Variants in CEMIP2 observed in about 807,000 individuals in gnomAD.
CEMIP2 encodes the protein cell surface hyaluronidase CEMIP2.
Under a neutral mutation model 146.9 loss-of-function variants are expected in CEMIP2, and 79 were observed. That is an observed-to-expected ratio of 0.54 (90% confidence interval 0.45 to 0.65). The LOEUF (loss-of-function observed/expected upper bound fraction) is 0.65, where lower values mean the gene tolerates loss of function less well. Among genes scored for constraint, CEMIP2 ranks in the 30% least tolerant of loss-of-function variants. The pLI is 0.00. For missense variants in CEMIP2, 1,596 were observed against 1,696.2 expected, an observed-to-expected ratio of 0.94 and a Z score of 1.04; for synonymous variants, 601 against 606.3, an observed-to-expected ratio of 0.99 and a Z score of 0.13.
At chr9:71,752,488 G>GT (rs1483153171) in intron 1 of CEMIP2, among the ~76,000 whole-genome samples, 4 of 149,594 alleles carry the variant, frequency 2.7e-5, no homozygotes, top group South Asian at 2.1e-4. Flanking sequence ...AAGGGGGAGG[G>GT]AAGGAGGGAG....
At chr9:71,741,277 A>G (rs1352523470) in intron 4 of CEMIP2, among the ~76,000 whole-genome samples, 1 of 135,206 alleles carries the variant, frequency 7.4e-6, no homozygotes, top group African/African-American at 2.8e-5. Flanking sequence ...GCTCACCGCA[A>G]CCTCCTGCCT....
chr9:71,744,247 T>G (rs1362316731), intron 4 of CEMIP2, among the ~76,000 whole-genome samples: 3 of 152,080 alleles, frequency 2.0e-5, no homozygotes, highest in African/African-American at 7.2e-5. Flanking sequence ...TGGTAGCAAC[T>G]GTTTGTAGTC....
In CEMIP2 at chr9:71,685,288, G is replaced by A; in HGVS notation, c.4061C>T (p.Pro1354Leu). Residue 1354 changes from proline to leucine, a missense_variant, in exon 24 of 24, where the codon CCT becomes CTT. Pro to Leu is a moderately conservative substitution (Grantham distance 98). Transcript: ENST00000377044. ...QGLGVLEQFI[P>L]LQLDEYGCPR... Reference sequence around the variant, plus strand: ...ACAACCATATTCGTCCAGCTGCAAAGGTATGAATTGTTCAAGCACCCCAAG... The same window carrying A: ...ACAACCATATTCGTCCAGCTGCAAAAGTATGAATTGTTCAAGCACCCCAAG... 6.2e-7 allele frequency: 1 copy of A among 1,612,536 alleles called. No homozygotes were observed. The highest frequency in any genetic ancestry group is 8.5e-7 in the Non-Finnish European group (1 of 1,179,854).
At position 71,704,591 on chromosome 9, in the gene CEMIP2, A is replaced by G; in HGVS notation, c.3194+4T>C. On this transcript the variant is annotated splice_donor_region_variant and intron_variant, in intron 18 of 23. Coordinates refer to ENST00000377044, the MANE Select transcript of CEMIP2 (RefSeq NM_013390.3). ...TATTTGAAATAACAGTAACAGAAAC[A>G]TACTTGTTGAAGTTGACGAGGTATA... The G allele has an allele frequency of 3.1e-6, 5 of 1,614,008 alleles. No homozygotes were observed. Among genetic ancestry groups the G allele is most frequent in the Non-Finnish European group, 4.2e-6 (5 of 1,179,828 alleles).
In CEMIP2 at chr9:71,712,088, G is replaced by T. The variant is rs761740920; in HGVS notation, c.2764C>A (p.Pro922Thr). 1 of 1,613,792 alleles carries T rather than the reference G, an allele frequency of 6.2e-7. No individual in the cohort carries two copies. Among genetic ancestry groups the T allele is most frequent in the African/African-American group, 1.3e-5 (1 of 74,902 alleles). The change falls in exon 16 of 24, where the codon CCA (proline) becomes ACA (threonine). Residue 922 changes from proline to threonine, a missense_variant. Coordinates refer to ENST00000377044, the MANE Select transcript of CEMIP2 (RefSeq NM_013390.3). ...GAACTACAGAACATACTTACATGTG[G>T]ACCAAACTTCACGAGGGAGATATTA... ...RNNISLVKFG[P>T]HVSLNVFFGK...
At chr9:71,708,170 A>C (rs1439446520) in intron 17 of CEMIP2, among the ~76,000 whole-genome samples, 1 of 152,208 alleles carries the variant, frequency 6.6e-6, no homozygotes, top group Non-Finnish European at 1.5e-5. Context: ...TGGGCGACAG[A>C]GCAAGACTCC....
chr9:71,694,532 G>C lies in CEMIP2; in HGVS notation c.3673C>G (p.Arg1225Gly), dbSNP rs546836383. The C allele has an allele frequency of 1.9e-6, 3 of 1,613,644 alleles. No individual in the cohort carries two copies. Among genetic ancestry groups the C allele is most frequent in the Non-Finnish European group, 8.5e-7 (1 of 1,179,736 alleles). Reference sequence around the variant, plus strand: ...ACAGAAATAACAGACGGGTCTCCACGCTGGGTTTCTGCTTTATCAGGTGAC... The same window carrying C: ...ACAGAAATAACAGACGGGTCTCCACCCTGGGTTTCTGCTTTATCAGGTGAC... Reference protein sequence around the residue: ...FQSPDKAETQRGDPSVISVNG... With the variant: ...FQSPDKAETQGGDPSVISVNG... Residue 1225 changes from arginine (R) to glycine (G), a missense_variant, in exon 21 of 24, where the codon CGT becomes GGT. By Grantham distance (125) the Arg-to-Gly change is moderately radical (BLOSUM62 -2). Coordinates refer to ENST00000377044, the MANE Select transcript of CEMIP2 (RefSeq NM_013390.3).
In CEMIP2 at chr9:71,745,269, C is replaced by G. The variant is rs201684156; in HGVS notation, c.783G>C (p.Lys261Asn). ...GLPFGSYTFEKDFSRGLNVRV... is the reference protein window; with the variant it reads ...GLPFGSYTFENDFSRGLNVRV... ...TCACATTGAGGCCCCGGGAAAAGTC[C>G]TTTTCAAAGGTATAGGACCCAAAGG... Residue 261 changes from lysine (K) to asparagine (N), a missense_variant, in exon 4 of 24, where the codon AAG (lysine) becomes AAC (asparagine). Lys to Asn is a moderately conservative substitution (Grantham distance 94, BLOSUM62 0). Coordinates refer to ENST00000377044, the MANE Select transcript of CEMIP2 (RefSeq NM_013390.3). 2 of 1,614,060 alleles carry G rather than the reference C, an allele frequency of 1.2e-6. No individual in the cohort carries two copies. The highest frequency in any genetic ancestry group is 1.3e-5 in the African/African-American group (1 of 75,002).
At chr9:71,737,187 A>AAAAGTCTGT (rs1823787035) in intron 5 of CEMIP2, among the ~76,000 whole-genome samples, 2 of 131,222 alleles carry the variant, frequency 1.5e-5, no homozygotes, top group African/African-American at 5.2e-5. Context: ...AGAAAGAAAG[A>AAAAGTCTGT]AAAGTCTGTA....
At chr9:71,750,507 T>C (rs1225757337) in intron 1 of CEMIP2, 122 bp from the exon 2 acceptor site, 4 of 738,548 alleles carry the variant, frequency 5.4e-6, no homozygotes, top group Non-Finnish European at 8.2e-6. Flanking sequence ...AATGGCATGA[T>C]CTCGGCTCAC....
At position 71,731,723 on chromosome 9, in the gene CEMIP2, C is replaced by T. The variant is rs190686181; in HGVS notation, c.1563+628G>A. Among the ~76,000 whole-genome samples, 139 of 113,782 alleles carry T rather than the reference C, an allele frequency of 1.2e-3. 1 individual carries two copies. Among genetic ancestry groups the T allele is most frequent in the Admixed American group, 5.2e-3 (55 of 10,604 alleles). 74.6% of individuals were successfully genotyped at this position (113,782 alleles called of 152,430 possible). On this transcript the variant is annotated intron_variant, in intron 7 of 23. Transcript: ENST00000377044. Reference sequence around the variant, plus strand: ...CTCCATCCTGGGTGACAGAATGAGACTGTATCTCAAAAAAAAAAAAAAAAT... The same window carrying T: ...CTCCATCCTGGGTGACAGAATGAGATTGTATCTCAAAAAAAAAAAAAAAAT...
At chr9:71,731,251 C>T (rs747565388) in intron 7 of CEMIP2, among the ~76,000 whole-genome samples, 84 of 152,236 alleles carry the variant, frequency 5.5e-4, no homozygotes, top group Non-Finnish European at 1.1e-3. Flanking sequence ...TAACCTCCAT[C>T]AGAGTCTGAT....
chr9:71,716,598 T>C lies in CEMIP2; in HGVS notation c.2400-46A>G, dbSNP rs773221303. ...AAGAACATTTTAATTTACCATATTA[T>C]GTAAAAAGAGGTAATTCTCTCAATA... On this transcript the variant is annotated intron_variant, in intron 13 of 23. Coordinates refer to ENST00000377044, the MANE Select transcript of CEMIP2 (RefSeq NM_013390.3). 3.4e-6 allele frequency: 5 copies of C among 1,450,252 alleles called. No individual in the cohort carries two copies. The South Asian group carries it at 3.7e-5, about 11-fold the overall frequency. 89.8% of individuals were successfully genotyped at this position (1,450,252 alleles called of 1,614,324 possible). A position where few individuals can be genotyped will look rare whatever the true frequency, so the allele number is the denominator to read the frequency against.
chr9:71,714,927 T>C lies in CEMIP2; in HGVS notation c.2591+7A>G, dbSNP rs1237782438. On this transcript the variant is annotated splice_region_variant and intron_variant, in intron 15 of 23. Coordinates refer to ENST00000377044, the MANE Select transcript of CEMIP2 (RefSeq NM_013390.3). ...ATTTAACACTCCACAGCTAAAGCAA[T>C]GCTTACCTGTTCCTGGGTAATGTTC... is the stretch of plus-strand genomic sequence containing the variant. 2 of 1,611,962 alleles carry C rather than the reference T, an allele frequency of 1.2e-6. No individual in the cohort carries two copies. Among genetic ancestry groups the C allele is most frequent in the East Asian group, 2.2e-5 (1 of 44,846 alleles).
intron 21 of CEMIP2, among the ~76,000 whole-genome samples, chr9:71,692,296 TA>T (rs1368768287): frequency 3.1e-5 from 4 of 127,180 alleles, no homozygotes; most frequent in Non-Finnish European, 4.7e-5. Flanking sequence ...GCCTGCCTGA[TA>T]TTTTTTTTTT....
chr9:71,754,717 TGTGA>T (rs1193886889), intron 1 of CEMIP2, among the ~76,000 whole-genome samples: 1 of 152,234 alleles, frequency 6.6e-6, no homozygotes, highest in Non-Finnish European at 1.5e-5. Flanking sequence ...AGAGTCGTTT[TGTGA>T]GTATTTATTT....
In CEMIP2 at chr9:71,725,348, T is replaced by C. The variant is rs980023274; in HGVS notation, c.2178+233A>G. Among the ~76,000 whole-genome samples, 14 of 152,248 alleles carry C rather than the reference T, an allele frequency of 9.2e-5. No homozygotes were observed. In the East Asian group the frequency reaches 2.5e-3, roughly 27 times the overall value. On this transcript the variant is annotated intron_variant, in intron 11 of 23. Coordinates refer to ENST00000377044, the MANE Select transcript of CEMIP2 (RefSeq NM_013390.3). ...GTTCTATAGCTCTCTCGCCTTCTCCTTGCCCTTCTACCGTGGATGACACAG... is the reference window on the plus strand; with the variant it reads ...GTTCTATAGCTCTCTCGCCTTCTCCCTGCCCTTCTACCGTGGATGACACAG...
Position 71,725,676 on chromosome 9 carries a change from GT to G in CEMIP2, c.2082del (p.Glu694AspfsTer80). On this transcript the variant is annotated frameshift_variant, in exon 11 of 24. Transcript: ENST00000377044. LOFTEE classifies it high-confidence loss of function. ...TGCAATCCACTGGATTCCCCAGTTG[GT>G]TCCTTGTGGAATAAATACCATATTC... ...DAGIWYLFHK[E>X]PTGESSGLQL... The G allele has an allele frequency of 6.2e-7, 1 of 1,613,894 alleles. No individual in the cohort carries two copies. Among genetic ancestry groups the G allele is most frequent in the Non-Finnish European group, 8.5e-7 (1 of 1,179,918 alleles).
chr9:71,698,493 A>C (rs971784663), intron 19 of CEMIP2, among the ~76,000 whole-genome samples: 2 of 152,242 alleles, frequency 1.3e-5, no homozygotes, highest in African/African-American at 4.8e-5. Flanking sequence ...TGGGGGGATG[A>C]AATTTGGTTT....
Sources: allele counts gnomAD v4.1 joint callset (sites outside exome capture counted in the v4.1 genomes callset), GRCh38; gene constraint gnomAD v4.1.1; transcripts MANE v1.5; gene names NCBI Gene and HGNC (gene_info 2026-07-23, HGNC 2026-07-21).